Variants in BSN observed in about 807,000 individuals in gnomAD.
BSN encodes bassoon presynaptic cytomatrix protein, also known as protein bassoon.
BSN carries 57 observed loss-of-function variants against 264.8 expected under a neutral mutation model. The observed-to-expected ratio is 0.22, with a 90% confidence interval of 0.17 to 0.27. The LOEUF (loss-of-function observed/expected upper bound fraction) is 0.27. Among genes scored for constraint, BSN ranks in the 10% least tolerant of loss-of-function variants. BSN has a pLI of 1.00. For synonymous variants in BSN, 2,059 were observed against 2,137.3 expected (o/e 0.96, Z 1.01); for missense variants, 4,615 against 5,232.5 (o/e 0.88, Z 3.64).
At chr3:49,648,252 T>G (rs1356876223) in intron 3 of BSN, among the ~76,000 whole-genome samples, 1 of 152,198 alleles carries the variant, frequency 6.6e-6, no homozygotes, top group Admixed American at 6.5e-5. Context: ...AGGCCAGAGA[T>G]GGGGTTAGGA....
At chr3:49,648,788 G>A (rs537084764) in intron 3 of BSN, among the ~76,000 whole-genome samples, 2 of 152,368 alleles carry the variant, frequency 1.3e-5, no homozygotes, top group Admixed American at 6.5e-5. Flanking sequence ...GGAGTCAGTA[G>A]TGGTGTTAGG....
In BSN at chr3:49,554,547, G is replaced by A; in HGVS notation, c.-56G>A. On this transcript the variant is annotated 5_prime_UTR_variant, in exon 1 of 12. Transcript: ENST00000296452. ...GCGCCGAGAGTGTGAGCACCGCCCG[G>A]GAGCCGCCGGCCCGGGCGCAGCGCG... The A allele has an allele frequency of 2.9e-6, 2 of 696,428 alleles. No individual in the cohort carries two copies. Among genetic ancestry groups the A allele is most frequent in the Non-Finnish European group, 1.8e-6 (1 of 566,658 alleles). The allele number at this position is 696,428 out of a possible 1,614,324, so 43.1% of individuals were successfully genotyped here. A position where few individuals can be genotyped will look rare whatever the true frequency, so the allele number is the denominator to read the frequency against.
At chr3:49,609,509 G>T (rs931684235) in intron 1 of BSN, among the ~76,000 whole-genome samples, 23 of 152,160 alleles carry the variant, frequency 1.5e-4, no homozygotes, top group African/African-American at 5.6e-4. Flanking sequence ...CAACGGCACT[G>T]CAGGAAGAGG....
At position 49,657,694 on chromosome 3, in the gene BSN, GGGAGAGCCTGGCCTGCCA is replaced by G. The variant is rs1559617670; in HGVS notation, c.8140_8157del (p.Glu2714_Gln2719del). On this transcript the variant is annotated inframe_deletion, in exon 5 of 12. Coordinates refer to ENST00000296452, the MANE Select transcript of BSN (RefSeq NM_003458.4). The stretch of plus-strand genomic sequence containing the variant: ...TCGGCGCCAGAGAAGACTGGGCGTG[GGGAGAGCCTGGCCTGCCA>G]GACGGAGCCAGATGGGCAGGCCCAG... 1 of 1,558,312 alleles carries G rather than the reference GGGAGAGCCTGGCCTGCCA, an allele frequency of 6.4e-7. No homozygotes were observed. Among genetic ancestry groups the G allele is most frequent in the Non-Finnish European group, 8.7e-7 (1 of 1,148,654 alleles).
rs751708568 is a variant in BSN at position 49,661,925 on chromosome 3, C to T, written c.10080C>T (p.His3360=). Residue 3360 remains histidine (H), a synonymous_variant, in exon 6 of 12, where the codon CAC becomes CAT. Transcript: ENST00000296452. ...CCATCTCCTCAAAGCGCAGCAAGCA[C>T]CGGAAGCAGGGCATGGAGCAAAAGA... ...PAAISSKRSK[H]RKQGMEQKIS... 6.2e-7 allele frequency: 1 copy of T among 1,613,902 alleles called. No homozygotes were observed. The highest frequency in any genetic ancestry group is 8.5e-7 in the Non-Finnish European group (1 of 1,180,040).
chr3:49,588,599 T>C (rs1575430329), intron 1 of BSN, among the ~76,000 whole-genome samples: 1 of 152,336 alleles, frequency 6.6e-6, no homozygotes. Context: ...CTGCTATCAC[T>C]ACATCCAATG....
In BSN at chr3:49,642,132, C is replaced by T. The variant is rs898534484; in HGVS notation, c.634-136C>T. 1.1e-4 allele frequency: 71 copies of T among 662,002 alleles called. No individual in the cohort carries two copies. Among genetic ancestry groups the T allele is most frequent in the Non-Finnish European group, 1.1e-4 (48 of 435,352 alleles). The allele number at this position is 662,002 out of a possible 1,614,324, so 41.0% of individuals were successfully genotyped here. ...CCTTCAGCCCTGCCACCTGGCAGCC[C>T]AGAAATGCCTGAGCAGGGCTTGGTG... On this transcript the variant is annotated intron_variant, in intron 2 of 11. Coordinates refer to ENST00000296452, the MANE Select transcript of BSN (RefSeq NM_003458.4). The surrounding 1 kb of genome is among the most constrained non-coding windows in gnomAD (Gnocchi z 7.0).
chr3:49,563,582 C>T (rs2108000459), intron 1 of BSN, among the ~76,000 whole-genome samples: 1 of 152,356 alleles, frequency 6.6e-6, no homozygotes, highest in East Asian at 1.9e-4. Context: ...ATGTGGTTCT[C>T]TCTGCAGCTT....
At chr3:49,557,816 C>T (rs564786980) in intron 1 of BSN, among the ~76,000 whole-genome samples, 5 of 152,134 alleles carry the variant, frequency 3.3e-5, no homozygotes, top group African/African-American at 7.2e-5. Flanking sequence ...CTACCTGCCT[C>T]GGCCTCCCAA....
At chr3:49,621,905 T>C (rs2052309894) in intron 1 of BSN, among the ~76,000 whole-genome samples, 1 of 152,046 alleles carries the variant, frequency 6.6e-6, no homozygotes, top group African/African-American at 2.4e-5. Context: ...AGATAATTAT[T>C]TTAAGGAGTT....
intron 3 of BSN, 127 bp from the exon 4 acceptor site, chr3:49,650,485 A>T: frequency 1.1e-6 from 1 of 885,820 alleles, no homozygotes; most frequent in African/African-American, 1.7e-5. Context: ...TTTTCTCCTT[A>T]TGTCTTTGGT....
chr3:49,558,329 T>A (rs2051689589), intron 1 of BSN, among the ~76,000 whole-genome samples: 1 of 152,212 alleles, frequency 6.6e-6, no homozygotes, highest in Non-Finnish European at 1.5e-5. Context: ...CAGAGGCCCT[T>A]CTCCATCATT....
intron 1 of BSN, among the ~76,000 whole-genome samples, chr3:49,623,458 G>C (rs2052319798): frequency 6.6e-6 from 1 of 152,242 alleles, no homozygotes; most frequent in African/African-American, 2.4e-5. Flanking sequence ...TGGGTCAAAG[G>C]AGAAGGAATA....
At position 49,651,723 on chromosome 3, in the gene BSN, G is replaced by A. The variant is rs143643302; in HGVS notation, c.2167G>A (p.Glu723Lys). 31 of 1,613,676 alleles carry A rather than the reference G, an allele frequency of 1.9e-5. No homozygotes were observed. In the African/African-American group the frequency reaches 3.3e-4, roughly 17 times the overall value. Residue 723 changes from glutamate to lysine, a missense_variant, in exon 5 of 12, where the codon GAG (glutamate) becomes AAG (lysine). Glu to Lys is a moderately conservative substitution (Grantham distance 56). Around this residue, in one of 3 missense-constraint regions of BSN, gnomAD observed 1,197 missense variants for 1,348.0 expected, o/e 0.89. Transcript: ENST00000296452. The surrounding 1 kb of genome is among the most constrained non-coding windows in gnomAD (Gnocchi z 5.4). ...VTGPHPPSPS[E>K]IHKVGSSMRP... ...AGGGCCACATCCACCCAGCCCCTCC[G>A]AGATCCACAAGGTGGGGAGCAGCAT...
chr3:49,657,138 C>T lies in BSN; in HGVS notation c.7582C>T (p.His2528Tyr). The T allele has an allele frequency of 6.2e-7, 1 of 1,613,250 alleles. No individual in the cohort carries two copies. Among genetic ancestry groups the T allele is most frequent in the Non-Finnish European group, 8.5e-7 (1 of 1,179,972 alleles). Residue 2528 changes from histidine to tyrosine, a missense_variant, in exon 5 of 12, where the codon CAC becomes TAC. His to Tyr is a moderately conservative substitution (Grantham distance 83). This residue lies in a region of BSN where 3,415 missense variants were observed against 3,866.4 expected (regional missense o/e 0.88). Transcript: ENST00000296452. ...TGGGCAGCCTCGTGAGCCTGTGCTG[C>T]ACCGGGGTCTCCCCAGCTCTGCCTC... ...GLGQPREPVL[H>Y]RGLPSSASDM...
chr3:49,642,666 G>A lies in BSN; in HGVS notation c.1032G>A (p.Glu344=). The A allele has an allele frequency of 6.2e-7, 1 of 1,609,492 alleles. No individual in the cohort carries two copies. Among genetic ancestry groups the A allele is most frequent in the Non-Finnish European group, 8.5e-7 (1 of 1,177,454 alleles). ...TTGGTGCCACTGAGCAGACCCAGGAGGGCCTCACTGGTAAGCTCTTCGGCC... is the reference window on the plus strand; with the variant it reads ...TTGGTGCCACTGAGCAGACCCAGGAAGGCCTCACTGGTAAGCTCTTCGGCC... ...AGLGATEQTQ[E]GLTGKLFGLG... The change falls in exon 3 of 12, where the codon GAG becomes GAA. Residue 344 remains glutamate (E), a synonymous_variant. Coordinates refer to ENST00000296452, the MANE Select transcript of BSN (RefSeq NM_003458.4). This position sits in a 1 kb window ranked among gnomAD's most constrained non-coding sequence, Gnocchi z 7.0.
At chr3:49,598,312 A>G (rs978267072) in intron 1 of BSN, among the ~76,000 whole-genome samples, 1 of 152,192 alleles carries the variant, frequency 6.6e-6, no homozygotes, top group Non-Finnish European at 1.5e-5. Context: ...TTGCTTGGTC[A>G]TTTGTTTAGT....
In BSN at chr3:49,605,491, T is replaced by TTATATAATATA. The variant is rs2052113756; in HGVS notation, c.225-19478_225-19477insATATATATATA. ...TATAATATATATTATATAATATATA[T>TTATATAATATA]TATATATAATATATATTATATAATA... On this transcript the variant is annotated intron_variant, in intron 1 of 11. Transcript: ENST00000296452. 2.3e-3 allele frequency among the ~76,000 whole-genome samples: 18 copies of TTATATAATATA among 7,666 alleles called. 1 individual carries two copies. The highest frequency in any genetic ancestry group is 9.8e-3 in the African/African-American group (18 of 1,842). The allele number at this position is 7,666 out of a possible 152,430, so 5.0% of individuals were successfully genotyped here. A position where few individuals can be genotyped will look rare whatever the true frequency, so the allele number is the denominator to read the frequency against.
chr3:49,568,673 A>G (rs1247385272), intron 1 of BSN, among the ~76,000 whole-genome samples: 1 of 152,162 alleles, frequency 6.6e-6, no homozygotes, highest in Admixed American at 6.5e-5. Flanking sequence ...ACTGTGCCTC[A>G]CCATGTGGAT....
Sources: gnomAD v4.1 joint callset for allele counts (sites outside exome capture counted in the v4.1 genomes callset) on GRCh38, gnomAD v4.1.1 for gene constraint, gnomAD v4.1.1 regional missense constraint, Gnocchi (gnomAD v3.1) non-coding constraint, MANE v1.5 for transcripts, NCBI Gene and HGNC (gene_info 2026-07-23, HGNC 2026-07-21) for gene names.